PTPRT: variants seen among roughly 807,000 people sequenced by gnomAD.
PTPRT encodes the protein protein tyrosine phosphatase receptor type T, also known as receptor-type tyrosine-protein phosphatase T.
A neutral mutation model predicts 176.8 loss-of-function variants in PTPRT; 56 were observed. The observed-to-expected ratio is 0.32, with a 90% CI of 0.26 to 0.40. The LOEUF is 0.40. PTPRT is among the 10% of genes least tolerant of loss of function. The pLI is 1.00. For missense variants in PTPRT, 1,540 were observed against 1,908.2 expected (o/e 0.81, Z 3.60); for synonymous variants, 783 against 739.0 (o/e 1.06, Z -0.96).
chr20:42,742,294 T>A (rs8121996), intron 6 of PTPRT, among the ~76,000 whole-genome samples: 4,797 of 152,244 alleles, frequency 0.032, 239 homozygotes, highest in African/African-American at 0.11. Flanking sequence ...CAGAATGAGG[T>A]TTCTAAGCCA....
intron 1 of PTPRT, among the ~76,000 whole-genome samples, chr20:42,887,791 T>A (rs1348417090): frequency 1.3e-5 from 2 of 152,212 alleles, no homozygotes; most frequent in African/African-American, 4.8e-5. Flanking sequence ...GCAACTACTA[T>A]GGTCCAAATG....
intron 1 of PTPRT, among the ~76,000 whole-genome samples, chr20:43,012,935 C>T (rs1052335058): frequency 1.3e-5 from 2 of 152,008 alleles, no homozygotes; most frequent in South Asian, 4.1e-4. Flanking sequence ...ACCTGCTTGA[C>T]CTGCCTCCCT....
chr20:42,337,367 C>T (rs2145460251), intron 11 of PTPRT, among the ~76,000 whole-genome samples: 1 of 152,266 alleles, frequency 6.6e-6, no homozygotes, highest in African/African-American at 2.4e-5. Flanking sequence ...GCTACAGGTC[C>T]TAAGATACTA....
chr20:42,653,885 A>C (rs529400856), intron 7 of PTPRT, among the ~76,000 whole-genome samples: 1 of 152,324 alleles, frequency 6.6e-6, no homozygotes, highest in African/African-American at 2.4e-5. Context: ...GTAGACACAT[A>C]TGTCATAGAT....
At chr20:42,063,352 T>A in the PTPRT span, among the ~76,000 whole-genome samples, 1 of 152,200 alleles carries the variant, frequency 6.6e-6, no homozygotes, top group Non-Finnish European at 1.5e-5. Context: ...CAGCATTACT[T>A]ATCTCTGGGG....
chr20:42,326,851 C>A (rs2057889862), intron 11 of PTPRT, among the ~76,000 whole-genome samples: 1 of 151,428 alleles, frequency 6.6e-6, no homozygotes, highest in African/African-American at 2.4e-5. Context: ...AAAATATGAG[C>A]CAGTTAGGTG....
intron 2 of PTPRT, among the ~76,000 whole-genome samples, chr20:42,850,269 A>G (rs972240044): frequency 4.6e-5 from 7 of 152,160 alleles, no homozygotes; most frequent in African/African-American, 1.7e-4. Context: ...TGAAATACTA[A>G]AAGCGCTTCA....
At chr20:42,490,012 T>C (rs1228760818) in intron 7 of PTPRT, among the ~76,000 whole-genome samples, 1 of 152,234 alleles carries the variant, frequency 6.6e-6, no homozygotes, top group Non-Finnish European at 1.5e-5. Context: ...TTCAGTCCAG[T>C]TGATCTGTAG....
At chr20:42,236,602 T>TG (rs1174138546) in intron 14 of PTPRT, among the ~76,000 whole-genome samples, 1 of 151,552 alleles carries the variant, frequency 6.6e-6, no homozygotes. Context: ...GATTTTTTTT[T>TG]TTTTTTTTGG....
intron 1 of PTPRT, among the ~76,000 whole-genome samples, chr20:42,920,692 T>TCA (rs966900870): frequency 2.2e-4 from 33 of 152,042 alleles, no homozygotes; most frequent in African/African-American, 6.3e-4. Flanking sequence ...CAAAGCAGAA[T>TCA]CACATTCTTC....
intron 6 of PTPRT, among the ~76,000 whole-genome samples, chr20:42,738,647 G>C (rs1226189704): frequency 6.6e-6 from 1 of 152,152 alleles, no homozygotes; most frequent in Non-Finnish European, 1.5e-5. Flanking sequence ...CTGTATCCCT[G>C]TGTCTAGAAG....
chr20:42,846,932 G>GTCTCTAC (rs1355411682), intron 2 of PTPRT, among the ~76,000 whole-genome samples: 1 of 152,214 alleles, frequency 6.6e-6, no homozygotes, highest in Non-Finnish European at 1.5e-5. Context: ...TGCAAACTCT[G>GTCTCTAC]TCTCTACTCC....
the PTPRT span, among the ~76,000 whole-genome samples, chr20:42,054,825 C>A: frequency 1.3e-5 from 2 of 152,160 alleles, no homozygotes; most frequent in East Asian, 3.9e-4. Context: ...CCATAACATC[C>A]TTCTTGTGGA....
At chr20:43,083,347 T>TACATACATATATATAC (rs1555828979) in intron 1 of PTPRT, among the ~76,000 whole-genome samples, 1 of 97,786 alleles carries the variant, frequency 1.0e-5, no homozygotes, top group African/African-American at 3.6e-5. Flanking sequence ...TATATATATA[T>TACATACATATATATAC]ATATATATAT....
intron 16 of PTPRT, among the ~76,000 whole-genome samples, chr20:42,182,200 A>C (rs1041102581): frequency 7.9e-5 from 12 of 152,194 alleles, no homozygotes; most frequent in African/African-American, 2.9e-4. Flanking sequence ...GTAGGCCACG[A>C]GGTTAATTTT....
chr20:43,145,510 C>T (rs1477964566), intron 1 of PTPRT, among the ~76,000 whole-genome samples: 1 of 152,250 alleles, frequency 6.6e-6, no homozygotes, highest in Non-Finnish European at 1.5e-5. Context: ...CTATTACATA[C>T]TGTTAAACCA....
chr20:42,500,163 T>TTGC (rs1388901110), intron 7 of PTPRT, among the ~76,000 whole-genome samples: 1 of 152,040 alleles, frequency 6.6e-6, no homozygotes, highest in Non-Finnish European at 1.5e-5. Context: ...TTTATTTTTG[T>TTGC]TGCTACTGTA....
chr20:42,631,633 G>T (rs970816040), intron 7 of PTPRT, among the ~76,000 whole-genome samples: 1 of 152,108 alleles, frequency 6.6e-6, no homozygotes, highest in Admixed American at 6.5e-5. Context: ...CCTGTTTTGG[G>T]GATGAAATGG....
intron 7 of PTPRT, among the ~76,000 whole-genome samples, chr20:42,575,536 C>T (rs989753938): frequency 6.6e-6 from 1 of 152,190 alleles, no homozygotes; most frequent in Non-Finnish European, 1.5e-5. Context: ...CCTCACTTCC[C>T]ACAGTGCTTT....
Sources: allele counts gnomAD v4.1 joint callset (sites outside exome capture counted in the v4.1 genomes callset), GRCh38; gene constraint gnomAD v4.1.1; transcripts MANE v1.5; gene names NCBI Gene and HGNC (gene_info 2026-07-23, HGNC 2026-07-21).